ADGRA1: variants seen among roughly 807,000 people sequenced by gnomAD.
ADGRA1 encodes the protein adhesion G protein-coupled receptor A1.
ADGRA1 carries 12 observed loss-of-function variants against 21.3 expected under a neutral mutation model. The observed-to-expected ratio is 0.56, with a 90% CI of 0.36 to 0.91. The LOEUF (loss-of-function observed/expected upper bound fraction) is 0.91. Ranked by LOEUF, ADGRA1 falls within the 40% of genes least tolerant of loss-of-function variation. ADGRA1 has a pLI of 0.01. For synonymous variants in ADGRA1, 385 were observed against 368.8 expected (o/e 1.04, Z -0.50); for missense variants, 790 against 805.6 (o/e 0.98, Z 0.23).
In ADGRA1 at chr10:133,129,213, G is replaced by A; in HGVS notation, c.1385G>A (p.Gly462Asp). Residue 462 changes from glycine to aspartate, a missense_variant, in exon 7 of 7, where the codon GGC (glycine) becomes GAC (aspartate). Physicochemically the swap from Gly to Asp is moderately conservative, Grantham distance 94 (BLOSUM62 -1). Around this residue, in one of 3 missense-constraint regions of ADGRA1, gnomAD observed 391 missense variants for 351.5 expected, o/e 1.11. Coordinates refer to ENST00000392607, the MANE Select transcript of ADGRA1 (RefSeq NM_001083909.3). Reference protein sequence around the residue: ...RTDSPPSSLDGPAGTHTLACC... With the variant: ...RTDSPPSSLDDPAGTHTLACC... ...GACAGCCCCCCCAGCTCTCTGGATG[G>A]CCCGGCGGGGACACACACGCTGGCC... 3 of 1,549,920 alleles carry A rather than the reference G, an allele frequency of 1.9e-6. No homozygotes were observed. The highest frequency in any genetic ancestry group is 2.6e-6 in the Non-Finnish European group (3 of 1,146,884).
chr10:133,088,949 G>T, intron 2 of ADGRA1, 37 bp downstream of exon 2: 1 of 1,238,962 alleles, frequency 8.1e-7, no homozygotes, highest in Non-Finnish European at 1.0e-6. Context: ...GCAGCTGGGG[G>T]CTAGGCCGCT....
chr10:133,092,956 CAGTTGG>C, intron 2 of ADGRA1: 1 of 1,581,108 alleles, frequency 6.3e-7, no homozygotes, highest in African/African-American at 1.3e-5. Context: ...CTTCCTCAGC[CAGTTGG>C]AGCTGCAGAC....
chr10:133,124,221 C>T (rs1279461080), intron 5 of ADGRA1, among the ~76,000 whole-genome samples: 4 of 150,076 alleles, frequency 2.7e-5, no homozygotes, highest in Non-Finnish European at 5.9e-5. Flanking sequence ...TCTGCAACCT[C>T]CCCGGCCAAG....
intron 2 of ADGRA1, among the ~76,000 whole-genome samples, chr10:133,096,624 C>T (rs1290078958): frequency 2.6e-5 from 4 of 152,244 alleles, no homozygotes; most frequent in East Asian, 1.9e-4. Flanking sequence ...CCTGGCCACC[C>T]GCAGGCCACG....
At chr10:133,104,042 G>T (rs1000119936) in intron 5 of ADGRA1, among the ~76,000 whole-genome samples, 1 of 152,236 alleles carries the variant, frequency 6.6e-6, no homozygotes, top group African/African-American at 2.4e-5. Flanking sequence ...CGGTGCTGGC[G>T]CACGGACACC....
chr10:133,115,914 G>A (rs574973004), intron 5 of ADGRA1, among the ~76,000 whole-genome samples: 5 of 152,044 alleles, frequency 3.3e-5, no homozygotes, highest in African/African-American at 1.2e-4. Context: ...GGGGAGAGCT[G>A]GCGCTTTGCT....
chr10:133,100,491 G>A (rs1851772138), intron 4 of ADGRA1, among the ~76,000 whole-genome samples: 1 of 152,232 alleles, frequency 6.6e-6, no homozygotes, highest in Admixed American at 6.5e-5. Context: ...CTGCTTGCCT[G>A]GACGGAGCTC....
At chr10:133,121,586 G>C (rs1480078812) in intron 5 of ADGRA1, among the ~76,000 whole-genome samples, 1 of 143,294 alleles carries the variant, frequency 7.0e-6, no homozygotes, top group Admixed American at 7.1e-5. Flanking sequence ...CTGTGCATGT[G>C]TGTGCCTGTG....
Position 133,127,289 on chromosome 10 carries a change from C to G in ADGRA1, c.458C>G (p.Thr153Arg), listed in dbSNP as rs762922796. ...PFIICGVTAA[T>R]NIRNYGTEDE... ...ATCATCTGTGGGGTCACGGCTGCCA[C>G]GAACATCAGGAATTACGGGACAGAG... The change falls in exon 6 of 7, where the codon ACG (threonine) becomes AGG (arginine). Residue 153 changes from threonine to arginine, a missense_variant. Transcript: ENST00000392607. 1.6e-5 allele frequency: 25 copies of G among 1,599,720 alleles called. No individual in the cohort carries two copies. The highest frequency in any genetic ancestry group is 2.1e-5 in the Non-Finnish European group (25 of 1,174,380).
chr10:133,120,464 G>C (rs886596193), intron 5 of ADGRA1, among the ~76,000 whole-genome samples: 1 of 152,224 alleles, frequency 6.6e-6, no homozygotes, highest in Non-Finnish European at 1.5e-5. Context: ...ATCTTGGCCA[G>C]ATCTTCTGGA....
chr10:133,125,604 A>G (rs1451687952), intron 5 of ADGRA1, among the ~76,000 whole-genome samples: 1 of 149,096 alleles, frequency 6.7e-6, no homozygotes, highest in Non-Finnish European at 1.5e-5. Context: ...TTTTTTTTGT[A>G]TTTTTTAGTA....
chr10:133,112,702 G>A (rs1437476239), intron 5 of ADGRA1, among the ~76,000 whole-genome samples: 35 of 149,002 alleles, frequency 2.3e-4, no homozygotes, highest in African/African-American at 8.7e-4. Flanking sequence ...GGCCACGTCA[G>A]TTATTTGGGG....
rs377454466 is a variant in ADGRA1, at chr10:133,112,673, C to T, written c.401+9831C>T. On this transcript the variant is annotated intron_variant, in intron 5 of 6. Coordinates refer to ENST00000392607, the MANE Select transcript of ADGRA1 (RefSeq NM_001083909.3). ...GTTATTTGGGGTCTGTGGGCCATGTCGGTTATTTGGGGTCTACGGGCCACG... is the reference window on the plus strand; with the variant it reads ...GTTATTTGGGGTCTGTGGGCCATGTTGGTTATTTGGGGTCTACGGGCCACG... Among the ~76,000 whole-genome samples, 48 of 139,342 alleles carry T rather than the reference C, an allele frequency of 3.4e-4. 2 individuals are homozygous for T. The East Asian group carries it at 0.011, about 31-fold the overall frequency. The allele number at this position is 139,342 out of a possible 152,430, so 91.4% of individuals were successfully genotyped here. A position where few individuals can be genotyped will look rare whatever the true frequency, so the allele number is the denominator to read the frequency against.
chr10:133,115,742 C>G (rs933275759), intron 5 of ADGRA1, among the ~76,000 whole-genome samples: 1 of 152,140 alleles, frequency 6.6e-6, no homozygotes, highest in African/African-American at 2.4e-5. Context: ...CCTTGACACA[C>G]CGGCTGCAAG....
intron 5 of ADGRA1, among the ~76,000 whole-genome samples, chr10:133,124,829 C>CCCCCGG (rs59424819): frequency 0.036 from 5,498 of 152,064 alleles, 115 homozygotes; most frequent in African/African-American, 0.045. Context: ...GCACCCCCTT[C>CCCCCGG]CCCCGGCCCC....
intron 5 of ADGRA1, among the ~76,000 whole-genome samples, chr10:133,122,800 G>A (rs1852297293): frequency 6.9e-6 from 1 of 145,746 alleles, no homozygotes; most frequent in African/African-American, 2.5e-5. Context: ...CGGTTCACCA[G>A]CCAGGCACAC....
intron 5 of ADGRA1, among the ~76,000 whole-genome samples, chr10:133,105,862 G>C (rs889107085): frequency 1.3e-5 from 2 of 152,232 alleles, no homozygotes; most frequent in African/African-American, 4.8e-5. Flanking sequence ...TCCAGCTGCA[G>C]GGGCCAAGGT....
intron 5 of ADGRA1, among the ~76,000 whole-genome samples, chr10:133,104,609 C>T (rs1350164884): frequency 1.3e-5 from 2 of 152,182 alleles, no homozygotes; most frequent in African/African-American, 4.8e-5. Flanking sequence ...ATCCTCCACC[C>T]CCTGCCCTCT....
intron 6 of ADGRA1, among the ~76,000 whole-genome samples, chr10:133,127,658 G>T (rs974839145): frequency 6.6e-6 from 1 of 152,056 alleles, no homozygotes; most frequent in East Asian, 1.9e-4. Context: ...GAGTAGGAAC[G>T]GCGGTCCAGC....
Sources: gnomAD v4.1 joint callset for allele counts (sites outside exome capture counted in the v4.1 genomes callset) on GRCh38, gnomAD v4.1.1 for gene constraint, gnomAD v4.1.1 regional missense constraint, MANE v1.5 for transcripts, NCBI Gene and HGNC (gene_info 2026-07-23, HGNC 2026-07-21) for gene names.